CDH17: variants seen among roughly 807,000 people sequenced by gnomAD.
The protein encoded by CDH17 is cadherin-17.
CDH17 carries 67 observed loss-of-function variants against 86.3 expected under a neutral mutation model. The ratio of observed to expected loss-of-function variants is 0.78; its 90% CI spans 0.64 to 0.95. CDH17 has a LOEUF of 0.95. Among genes scored for constraint, CDH17 ranks in the 40% least tolerant of loss-of-function variants. The pLI is 0.00. For missense variants in CDH17, 993 were observed against 1,017.6 expected (o/e 0.98, Z 0.33); for synonymous variants, 367 against 366.4 (o/e 1.00, Z -0.02).
Position 94,168,139 on chromosome 8 carries a change from T to C in CDH17, c.1067-2163A>G, listed in dbSNP as rs1283833986. ...ATATATATATATATATATATATATA[T>C]ATATATATATATATATATTTGTGTG... is the stretch of plus-strand genomic sequence containing the variant. On this transcript the variant is annotated intron_variant, in intron 9 of 17. Coordinates refer to ENST00000027335, the MANE Select transcript of CDH17 (RefSeq NM_004063.4). 4.4e-3 allele frequency among the ~76,000 whole-genome samples: 474 copies of C among 108,262 alleles called. 26 individuals carry two copies. Among genetic ancestry groups the C allele is most frequent in the African/African-American group, 0.018 (446 of 25,146 alleles). 71.0% of individuals were successfully genotyped at this position (108,262 alleles called of 152,430 possible).
chr8:94,137,237 C>T (rs1264645063), intron 15 of CDH17, among the ~76,000 whole-genome samples: 2 of 152,174 alleles, frequency 1.3e-5, no homozygotes, highest in African/African-American at 4.8e-5. Context: ...TCAGCTATGC[C>T]CTGTCCATAG....
In CDH17 at chr8:94,214,266, T is replaced by C. The variant is rs185750485; in HGVS notation, c.-21+2932A>G. 8.0e-4 allele frequency among the ~76,000 whole-genome samples: 122 copies of C among 152,230 alleles called. 2 individuals are homozygous for C. The highest frequency in any genetic ancestry group is 2.6e-3 in the African/African-American group (108 of 41,532). On this transcript the variant is annotated intron_variant, in intron 1 of 17. Transcript: ENST00000450165. ...CATGGGGTCAAGTAGGAGACCAGCA[T>C]GCATGTGAGCTTTGCTTGGAAGGAC...
chr8:94,137,932 A>G (rs1276780033), intron 15 of CDH17, among the ~76,000 whole-genome samples: 1 of 152,152 alleles, frequency 6.6e-6, no homozygotes, highest in Non-Finnish European at 1.5e-5. Flanking sequence ...GCTTCTGTAG[A>G]CCTGATTCTG....
chr8:94,205,433 C>T (rs1814007246), intron 1 of CDH17, among the ~76,000 whole-genome samples: 1 of 151,792 alleles, frequency 6.6e-6, no homozygotes, highest in African/African-American at 2.4e-5. Flanking sequence ...AGGATTTAGA[C>T]ACTGAAGGAT....
At chr8:94,180,447 A>C (rs1208741590) in intron 3 of CDH17, among the ~76,000 whole-genome samples, 6 of 152,178 alleles carry the variant, frequency 3.9e-5, no homozygotes, top group Non-Finnish European at 5.9e-5. Context: ...CTCCAAATAG[A>C]ATAAACTCAA....
intron 12 of CDH17, among the ~76,000 whole-genome samples, chr8:94,152,701 A>G (rs185699633): frequency 1.3e-5 from 2 of 152,134 alleles, no homozygotes; most frequent in East Asian, 3.9e-4. Flanking sequence ...CCTGGCTGGA[A>G]TAGAAGTTTA....
intron 12 of CDH17, among the ~76,000 whole-genome samples, chr8:94,156,882 T>C (rs1303692806): frequency 6.6e-6 from 1 of 152,252 alleles, no homozygotes; most frequent in African/African-American, 2.4e-5. Flanking sequence ...GCTACCATTT[T>C]ACCCATTTTT....
At chr8:94,156,303 A>G (rs1393931217) in intron 12 of CDH17, among the ~76,000 whole-genome samples, 1 of 152,192 alleles carries the variant, frequency 6.6e-6, no homozygotes, top group Non-Finnish European at 1.5e-5. Flanking sequence ...AGTTTTCCAG[A>G]TGACATTTGG....
intron 2 of CDH17, among the ~76,000 whole-genome samples, chr8:94,192,051 A>G (rs1431418189): frequency 6.6e-6 from 1 of 152,230 alleles, no homozygotes; most frequent in African/African-American, 2.4e-5. Flanking sequence ...TGAAAACTAC[A>G]TTAGCCACAC....
At chr8:94,181,456 T>C (rs1813486495) in intron 3 of CDH17, among the ~76,000 whole-genome samples, 1 of 152,014 alleles carries the variant, frequency 6.6e-6, no homozygotes, top group Non-Finnish European at 1.5e-5. Flanking sequence ...TACAAAGTAT[T>C]TGACAATTGA....
intron 15 of CDH17, among the ~76,000 whole-genome samples, chr8:94,142,519 G>C (rs937552470): frequency 4.6e-5 from 7 of 152,166 alleles, no homozygotes; most frequent in Non-Finnish European, 8.8e-5. Context: ...AATGAAGTTT[G>C]TTGCACTTAT....
intron 12 of CDH17, 109 bp from the exon 13 acceptor site, chr8:94,152,221 A>C: frequency 8.7e-7 from 1 of 1,155,984 alleles, no homozygotes; most frequent in Admixed American, 2.3e-5. Context: ...ATATTGGAAA[A>C]ACTGGATATC....
rs1812325721 is a variant in CDH17 at position 94,127,533 on chromosome 8, C to T, written c.*707G>A. Reference sequence around the variant, plus strand: ...TTTATTTATTTATTTTTCCTGAGTCCTCACGTTTTTCTTCTCTGACAAATG... The same window carrying T: ...TTTATTTATTTATTTTTCCTGAGTCTTCACGTTTTTCTTCTCTGACAAATG... On this transcript the variant is annotated 3_prime_UTR_variant, in exon 18 of 18. Coordinates refer to ENST00000027335, the MANE Select transcript of CDH17 (RefSeq NM_004063.4). The T allele has an allele frequency of 1.3e-5, 2 of 152,138 alleles. No homozygotes were observed. Among genetic ancestry groups the T allele is most frequent in the Admixed American group, 1.3e-4 (2 of 15,268 alleles). The allele number at this position is 152,138 out of a possible 1,614,324, so 9.4% of individuals were successfully genotyped here.
chr8:94,167,027 G>T (rs1427387566), intron 9 of CDH17, among the ~76,000 whole-genome samples: 2 of 152,146 alleles, frequency 1.3e-5, no homozygotes, highest in Non-Finnish European at 2.9e-5. Context: ...TAATACACAT[G>T]GCAAATGGTA....
At position 94,155,962 on chromosome 8, in the gene CDH17, C is replaced by T. The variant is rs1292240705; in HGVS notation, c.1552-3850G>A. On this transcript the variant is annotated intron_variant, in intron 12 of 17. Coordinates refer to ENST00000027335, the MANE Select transcript of CDH17 (RefSeq NM_004063.4). ...ATAAACGGAAGATGCTAAATTAGCA[C>T]ATGGTAATAAGCAGAGCTGAGCCAA... Among the ~76,000 whole-genome samples the T allele has an allele frequency of 2.0e-5, 3 of 152,208 alleles. No individual in the cohort carries two copies. In the East Asian group the frequency reaches 5.8e-4, roughly 29 times the overall value.
rs1222939254 is a variant in CDH17, at chr8:94,177,726, G to A, written c.151-5C>T. ...AGCAGGAGGATTGGCCTTAAACTGG[G>A]GAAAAAGCAAAAAACAGATTAAGTT... On this transcript the variant is annotated splice_region_variant and splice_polypyrimidine_tract_variant and intron_variant, in intron 3 of 17. Transcript: ENST00000027335. 1.3e-5 allele frequency: 21 copies of A among 1,606,266 alleles called. No homozygotes were observed. The Admixed American group carries it at 2.1e-4, about 16-fold the overall frequency.
chr8:94,174,027 A>G, intron 6 of CDH17, 31 bp from the exon 7 acceptor site: 1 of 1,606,804 alleles, frequency 6.2e-7, no homozygotes, highest in South Asian at 1.1e-5. Context: ...GGGAATAGGA[A>G]GTGTCTCTGG....
rs960381410 is a variant in CDH17, at chr8:94,145,810, C to A, written c.2167+118G>T. On this transcript the variant is annotated intron_variant, in intron 15 of 17. Transcript: ENST00000027335. ...CCTGTACAAGCTTCCAAAGCATGAA[C>A]TTCCTTCCTGAAGCATGAAAGAAAG... The A allele has an allele frequency of 5.2e-6, 6 of 1,154,384 alleles. No homozygotes were observed. The Admixed American group carries it at 7.0e-5, about 14-fold the overall frequency. The allele number at this position is 1,154,384 out of a possible 1,614,324, so 71.5% of individuals were successfully genotyped here. A position where few individuals can be genotyped will look rare whatever the true frequency, so the allele number is the denominator to read the frequency against.
chr8:94,146,106 G>T lies in CDH17; in HGVS notation c.1989C>A (p.Asn663Lys). 1 of 1,611,658 alleles carries T rather than the reference G, an allele frequency of 6.2e-7. No individual in the cohort carries two copies. The highest frequency in any genetic ancestry group is 8.5e-7 in the Non-Finnish European group (1 of 1,178,940). ...TGTAGTCCTTGGCTAGCCTGGGAGG[G>T]TTGTCATTCACATCCATAAGGATCA... ...FHLILMDVNDNPPRLAKDYTG... is the reference protein window; with the variant it reads ...FHLILMDVNDKPPRLAKDYTG... Residue 663 changes from asparagine (N) to lysine (K), a missense_variant, in exon 15 of 18, where the codon AAC becomes AAA. Coordinates refer to ENST00000027335, the MANE Select transcript of CDH17 (RefSeq NM_004063.4).
Sources: allele counts gnomAD v4.1 joint callset (sites outside exome capture counted in the v4.1 genomes callset), GRCh38; gene constraint gnomAD v4.1.1; transcripts MANE v1.5; gene names NCBI Gene and HGNC (gene_info 2026-07-23, HGNC 2026-07-21).